Variants in IL1RAPL2 observed in about 807,000 individuals in gnomAD.
IL1RAPL2 encodes the protein X-linked interleukin-1 receptor accessory protein-like 2.
In IL1RAPL2, 3 loss-of-function variants were observed where a neutral mutation model predicts 44.1. The observed-to-expected ratio is 0.07, with a 90% CI of 0.03 to 0.18. IL1RAPL2 has a LOEUF of 0.18. Ranked by LOEUF, IL1RAPL2 falls within the 10% of genes least tolerant of loss-of-function variation. The pLI, the probability that IL1RAPL2 is intolerant of heterozygous loss-of-function variation, is 1.00. For synonymous variants in IL1RAPL2, 181 were observed against 178.8 expected (o/e 1.01, Z -0.10); for missense variants, 391 against 496.4 (o/e 0.79, Z 2.02).
intron 5 of IL1RAPL2, among the ~76,000 whole-genome samples, chrX:105,356,196 G>A (rs756551868): frequency 8.0e-4 from 87 of 108,265 alleles, no homozygotes; most frequent in African/African-American, 2.5e-3. Context: ...TTTGTTTCTT[G>A]GGGGCTGAAC....
intron 2 of IL1RAPL2, among the ~76,000 whole-genome samples, chrX:105,131,037 A>T (rs2033021155): frequency 8.9e-6 from 1 of 111,791 alleles, no homozygotes; most frequent in South Asian, 3.7e-4. Context: ...GCAGGCAAGA[A>T]TGGGAAGGTA....
At chrX:105,108,018 T>C (rs904943483) in intron 2 of IL1RAPL2, among the ~76,000 whole-genome samples, 1 of 111,191 alleles carries the variant, frequency 9.0e-6, no homozygotes, top group Admixed American at 9.6e-5. Context: ...AAAAATTATA[T>C]GGCAGAGGTC....
At chrX:105,074,993 A>G (rs1272206784) in intron 2 of IL1RAPL2, among the ~76,000 whole-genome samples, 1 of 111,342 alleles carries the variant, frequency 9.0e-6, no homozygotes, top group African/African-American at 3.3e-5. Context: ...GCAAACAGGG[A>G]CAATTTGACT....
chrX:105,120,016 A>G (rs1362041936), intron 2 of IL1RAPL2, among the ~76,000 whole-genome samples: 1 of 109,697 alleles, frequency 9.1e-6, no homozygotes, highest in African/African-American at 3.3e-5. Context: ...AAATTTAGGC[A>G]CAAAGAAGTG....
In IL1RAPL2 at chrX:105,767,224, A is replaced by T; in HGVS notation, c.1624A>T (p.Ser542Cys). Reference sequence around the variant, plus strand: ...GATCAAGTGGAAGGGATCCAAAAGCAGCAAATTAAATTCTAAGTTTTGGAA... The same window carrying T: ...GATCAAGTGGAAGGGATCCAAAAGCTGCAAATTAAATTCTAAGTTTTGGAA... ...SLIKWKGSKS[S>C]KLNSKFWKHL... Residue 542 changes from serine to cysteine, a missense_variant, in exon 11 of 11, where the codon AGC becomes TGC. Coordinates refer to ENST00000372582, the MANE Select transcript of IL1RAPL2 (RefSeq NM_017416.2). 8.3e-7 allele frequency: 1 copy of T among 1,211,784 alleles called. No homozygotes were observed.
intron 1 of IL1RAPL2, among the ~76,000 whole-genome samples, chrX:104,582,600 C>T (rs6523785): frequency 0.25 from 6,898 of 27,357 alleles, 410 homozygotes; most frequent in Middle Eastern, 0.44. Context: ...CTTTCTTTTT[C>T]TTTCTTTCTT....
At chrX:105,495,462 T>G (rs893157267) in intron 6 of IL1RAPL2, among the ~76,000 whole-genome samples, 37 of 112,330 alleles carry the variant, frequency 3.3e-4, no homozygotes, top group African/African-American at 1.1e-3. Flanking sequence ...ATAGAGCCTA[T>G]GTATATTGAA....
At chrX:105,748,524 G>A (rs1298330703) in intron 8 of IL1RAPL2, among the ~76,000 whole-genome samples, 1 of 112,192 alleles carries the variant, frequency 8.9e-6, no homozygotes. Context: ...ATTTTATGAT[G>A]TTGTTCTGCA....
chrX:105,470,118 T>A (rs1321536496), intron 5 of IL1RAPL2, among the ~76,000 whole-genome samples: 1 of 111,493 alleles, frequency 9.0e-6, no homozygotes. Context: ...TGGCATAAGA[T>A]AGCTATATCT....
chrX:104,579,412 C>T (rs1928301027), intron 1 of IL1RAPL2, among the ~76,000 whole-genome samples: 1 of 111,884 alleles, frequency 8.9e-6, no homozygotes, highest in Non-Finnish European at 1.9e-5. Flanking sequence ...TACTATGCAG[C>T]CATAAAAAAG....
At chrX:104,829,085 T>C (rs770094870) in intron 2 of IL1RAPL2, among the ~76,000 whole-genome samples, 1 of 112,142 alleles carries the variant, frequency 8.9e-6, no homozygotes, top group South Asian at 3.7e-4. Context: ...TGGGATCTGC[T>C]GAGCAAGACC....
At chrX:105,434,333 A>C (rs1039298386) in intron 5 of IL1RAPL2, among the ~76,000 whole-genome samples, 3 of 112,287 alleles carry the variant, frequency 2.7e-5, no homozygotes, top group Admixed American at 9.5e-5. Context: ...TTATAAAGTT[A>C]AACGTGTACT....
At chrX:104,659,649 G>T (rs1395708004) in intron 2 of IL1RAPL2, among the ~76,000 whole-genome samples, 1 of 112,097 alleles carries the variant, frequency 8.9e-6, no homozygotes, top group Non-Finnish European at 1.9e-5. Flanking sequence ...CATTCTAGCT[G>T]TAATTACAAA....
chrX:104,988,229 A>G (rs1254176128), intron 2 of IL1RAPL2, among the ~76,000 whole-genome samples: 1 of 112,203 alleles, frequency 8.9e-6, no homozygotes. Flanking sequence ...GTCATCTTTC[A>G]GTTCTGATAA....
intron 2 of IL1RAPL2, among the ~76,000 whole-genome samples, chrX:104,880,734 C>T (rs1188427157): frequency 3.6e-5 from 4 of 112,094 alleles, no homozygotes; most frequent in East Asian, 2.8e-4. Flanking sequence ...GCAAACTGTT[C>T]GAAGTAATGC....
intron 2 of IL1RAPL2, among the ~76,000 whole-genome samples, chrX:105,146,200 C>T (rs1366055122): frequency 9.0e-6 from 1 of 111,556 alleles, no homozygotes; most frequent in African/African-American, 3.3e-5. Context: ...CCCCTTCCTG[C>T]AAACTAAATA....
intron 2 of IL1RAPL2, among the ~76,000 whole-genome samples, chrX:105,109,783 A>G (rs1032303692): frequency 4.4e-5 from 5 of 112,682 alleles, no homozygotes; most frequent in African/African-American, 1.6e-4. Flanking sequence ...AGCTGTTAAA[A>G]TGAATTAATG....
intron 2 of IL1RAPL2, among the ~76,000 whole-genome samples, chrX:104,909,674 C>G (rs1442278982): frequency 5.4e-5 from 6 of 112,081 alleles, no homozygotes; most frequent in Admixed American, 9.4e-5. Context: ...AGGGGTCAGG[C>G]ACCCACTTGA....
chrX:105,111,588 A>G (rs1355974430), intron 2 of IL1RAPL2, among the ~76,000 whole-genome samples: 1 of 112,152 alleles, frequency 8.9e-6, no homozygotes, highest in Admixed American at 9.5e-5. Flanking sequence ...TGCAGAACAG[A>G]GCAATGACAA....
Sources: gnomAD v4.1 joint callset for allele counts (sites outside exome capture counted in the v4.1 genomes callset) on GRCh38, gnomAD v4.1.1 for gene constraint, MANE v1.5 for transcripts, NCBI Gene and HGNC (gene_info 2026-07-23, HGNC 2026-07-21) for gene names.